Variants in NANP observed in about 807,000 individuals in gnomAD.
The protein encoded by NANP is N-acylneuraminate-9-phosphatase.
A neutral mutation model predicts 16.9 loss-of-function variants in NANP; 15 were observed. The observed-to-expected ratio is 0.89, with a 90% confidence interval of 0.59 to 1.37. The LOEUF is 1.37. Among genes scored for constraint, NANP ranks in the 40% most tolerant of loss-of-function variants. NANP has a pLI of 0.00. For missense variants in NANP, 290 were observed against 303.5 expected (o/e 0.96, Z 0.33); for synonymous variants, 135 against 112.6 (o/e 1.20, Z -1.26).
intron 1 of NANP, among the ~76,000 whole-genome samples, chr20:25,623,157 C>T (rs1019184256): frequency 1.3e-5 from 2 of 152,184 alleles, no homozygotes; most frequent in African/African-American, 4.8e-5. Context: ...AAAGGGAAGC[C>T]GGGGTGGACT....
intron 1 of NANP, among the ~76,000 whole-genome samples, chr20:25,621,209 G>C (rs1316750781): frequency 6.6e-6 from 1 of 152,140 alleles, no homozygotes; most frequent in East Asian, 1.9e-4. Flanking sequence ...TCACCTACTC[G>C]ATGAGGCCAA....
In NANP at chr20:25,615,827, C is replaced by T; in HGVS notation, c.*98G>A. The T allele has an allele frequency of 8.2e-7, 1 of 1,212,944 alleles. No homozygotes were observed. The highest frequency in any genetic ancestry group is 2.4e-5 in the Admixed American group (1 of 40,974). 75.1% of individuals were successfully genotyped at this position (1,212,944 alleles called of 1,614,324 possible). A position where few individuals can be genotyped will look rare whatever the true frequency, so the allele number is the denominator to read the frequency against. ...CCATTAAATCATAAGTAAAATTATT[C>T]TTAGAGCTGGATTATCATAAGTGGA... is the stretch of plus-strand genomic sequence containing the variant. On this transcript the variant is annotated 3_prime_UTR_variant, in exon 2 of 2. Transcript: ENST00000304788.
chr20:25,616,295 C>A lies in NANP; in HGVS notation c.377G>T (p.Arg126Leu). 6.2e-7 allele frequency: 1 copy of A among 1,614,102 alleles called. No individual in the cohort carries two copies. Among genetic ancestry groups the A allele is most frequent in the South Asian group, 1.1e-5 (1 of 91,086 alleles). ...GTCCCCATTCGTTAATAGAAGTAGG[C>A]GGACCTCCTTTCGAAGTTCAGTAAG... ...AMLTELRKEVRLLLLTNGDRQ... is the reference protein window; with the variant it reads ...AMLTELRKEVLLLLLTNGDRQ... The change falls in exon 2 of 2, where the codon CGC (arginine) becomes CTC (leucine). Residue 126 changes from arginine to leucine, a missense_variant. Physicochemically the swap from Arg to Leu is moderately radical, Grantham distance 102. Coordinates refer to ENST00000304788, the MANE Select transcript of NANP (RefSeq NM_152667.3).
Position 25,614,653 on chromosome 20 carries a change from T to C in NANP, c.*1272A>G, listed in dbSNP as rs2065335404. ...TAAGAAGAGTCACACGAGTATTAAA[T>C]TGGCCCTCAGGAAATGGCTCATAGC... is the stretch of plus-strand genomic sequence containing the variant. On this transcript the variant is annotated 3_prime_UTR_variant, in exon 2 of 2. Coordinates refer to ENST00000304788, the MANE Select transcript of NANP (RefSeq NM_152667.3). 1 of 152,320 alleles carries C rather than the reference T, an allele frequency of 6.6e-6. No individual in the cohort carries two copies. Among genetic ancestry groups the C allele is most frequent in the Admixed American group, 6.5e-5 (1 of 15,292 alleles). The allele number at this position is 152,320 out of a possible 1,614,324, so 9.4% of individuals were successfully genotyped here. A position where few individuals can be genotyped will look rare whatever the true frequency, so the allele number is the denominator to read the frequency against.
chr20:25,616,536 C>T lies in NANP; in HGVS notation c.136G>A (p.Glu46Lys), dbSNP rs1458650280. ...QSKYHYKEEA[E>K]IICDKVQVKL... is the part of the protein sequence containing the mutation. Reference sequence around the variant, plus strand: ...ACTTGAACTTTATCACAGATGATTTCAGCCTCTTCTTTATAATGGTATTTT... The same window carrying T: ...ACTTGAACTTTATCACAGATGATTTTAGCCTCTTCTTTATAATGGTATTTT... The change falls in exon 2 of 2, where the codon GAA becomes AAA. Residue 46 changes from glutamate (E) to lysine (K), a missense_variant. Glu to Lys is a moderately conservative substitution (Grantham distance 56). Coordinates refer to ENST00000304788, the MANE Select transcript of NANP (RefSeq NM_152667.3). 6.2e-7 allele frequency: 1 copy of T among 1,608,404 alleles called. No homozygotes were observed. Among genetic ancestry groups the T allele is most frequent in the Non-Finnish European group, 8.5e-7 (1 of 1,178,012 alleles).
At chr20:25,620,107 A>C (rs1336935152) in intron 1 of NANP, among the ~76,000 whole-genome samples, 4 of 152,226 alleles carry the variant, frequency 2.6e-5, no homozygotes, top group African/African-American at 2.4e-5. Flanking sequence ...GTTTATCAGC[A>C]TTCATTTATT....
chr20:25,613,148 A>C lies in NANP; in HGVS notation c.*2777T>G, dbSNP rs1440116312. The C allele has an allele frequency of 6.6e-6, 1 of 151,854 alleles. No individual in the cohort carries two copies. Among genetic ancestry groups the C allele is most frequent in the African/African-American group, 2.4e-5 (1 of 41,390 alleles). 9.4% of individuals were successfully genotyped at this position (151,854 alleles called of 1,614,324 possible). A position where few individuals can be genotyped will look rare whatever the true frequency, so the allele number is the denominator to read the frequency against. On this transcript the variant is annotated 3_prime_UTR_variant, in exon 2 of 2. Coordinates refer to ENST00000304788, the MANE Select transcript of NANP (RefSeq NM_152667.3). ...GTTATATTTATATTTATTTATATAC[A>C]TGTGTTATATTTATATTTATATATA...
chr20:25,615,515 A>C lies in NANP; in HGVS notation c.*410T>G, dbSNP rs181388348. 249 of 156,052 alleles carry C rather than the reference A, an allele frequency of 1.6e-3. No individual in the cohort carries two copies. Among genetic ancestry groups the C allele is most frequent in the African/African-American group, 5.5e-3 (231 of 41,696 alleles). 9.7% of individuals were successfully genotyped at this position (156,052 alleles called of 1,614,324 possible). A position where few individuals can be genotyped will look rare whatever the true frequency, so the allele number is the denominator to read the frequency against. On this transcript the variant is annotated 3_prime_UTR_variant, in exon 2 of 2. Coordinates refer to ENST00000304788, the MANE Select transcript of NANP (RefSeq NM_152667.3). Reference sequence around the variant, plus strand: ...CATAAATCTGTGTTTTAGAAAATCTATTTTTTAAAAATATCTATTTTTAAG... The same window carrying C: ...CATAAATCTGTGTTTTAGAAAATCTCTTTTTTAAAAATATCTATTTTTAAG...
chr20:25,620,817 GC>G (rs200448486), intron 1 of NANP, among the ~76,000 whole-genome samples: 4 of 151,208 alleles, frequency 2.6e-5, no homozygotes, highest in Admixed American at 2.6e-4. Flanking sequence ...GGGGATAGAG[GC>G]CCCCCTTTTT....
chr20:25,621,605 A>G (rs2065364457), intron 1 of NANP, among the ~76,000 whole-genome samples: 1 of 152,220 alleles, frequency 6.6e-6, no homozygotes, highest in Non-Finnish European at 1.5e-5. Flanking sequence ...CCCAGGCTGG[A>G]GTGCAGTGGC....
At position 25,615,907 on chromosome 20, in the gene NANP, C is replaced by A; in HGVS notation, c.*18G>T. 1 of 1,579,176 alleles carries A rather than the reference C, an allele frequency of 6.3e-7. No homozygotes were observed. Among genetic ancestry groups the A allele is most frequent in the South Asian group, 1.2e-5 (1 of 85,018 alleles). On this transcript the variant is annotated 3_prime_UTR_variant, in exon 2 of 2. Coordinates refer to ENST00000304788, the MANE Select transcript of NANP (RefSeq NM_152667.3). Reference sequence around the variant, plus strand: ...GCAAATTGATTCTAACATTCATAATCATGCCCTTTTATGTGCTTTAAGTGG... The same window carrying A: ...GCAAATTGATTCTAACATTCATAATAATGCCCTTTTATGTGCTTTAAGTGG...
At chr20:25,621,725 T>C (rs1340515956) in intron 1 of NANP, among the ~76,000 whole-genome samples, 5 of 152,228 alleles carry the variant, frequency 3.3e-5, no homozygotes, top group African/African-American at 1.2e-4. Context: ...CGGCTAATTT[T>C]TGTATTTTTA....
rs371977422 is a variant in NANP at position 25,613,666 on chromosome 20, G to A, written c.*2259C>T. On this transcript the variant is annotated 3_prime_UTR_variant, in exon 2 of 2. Transcript: ENST00000304788. ...GATAACCACAAAGTTCTTCCCTAAG[G>A]AAGGGTGCAAATGGAATGTAATACA... The A allele has an allele frequency of 5.4e-4, 215 of 397,168 alleles. No homozygotes were observed. Among genetic ancestry groups the A allele is most frequent in the African/African-American group, 3.7e-3 (180 of 48,674 alleles). The allele number at this position is 397,168 out of a possible 1,614,324, so 24.6% of individuals were successfully genotyped here.
chr20:25,617,902 G>T (rs2065350058), intron 1 of NANP, among the ~76,000 whole-genome samples: 1 of 152,094 alleles, frequency 6.6e-6, no homozygotes, highest in South Asian at 2.1e-4. Context: ...AATCCATTTG[G>T]CCTGTCTTGT....
At position 25,613,170 on chromosome 20, in the gene NANP, T is replaced by C. The variant is rs988556766; in HGVS notation, c.*2755A>G. ...TACATGTGTTATATTTATATTTATATATAGTTACAGTGTTATCTAACACTA... is the reference window on the plus strand; with the variant it reads ...TACATGTGTTATATTTATATTTATACATAGTTACAGTGTTATCTAACACTA... On this transcript the variant is annotated 3_prime_UTR_variant, in exon 2 of 2. Coordinates refer to ENST00000304788, the MANE Select transcript of NANP (RefSeq NM_152667.3). 4.6e-5 allele frequency: 7 copies of C among 152,022 alleles called. No homozygotes were observed. The highest frequency in any genetic ancestry group is 1.7e-4 in the African/African-American group (7 of 41,424). The allele number at this position is 152,022 out of a possible 1,614,324, so 9.4% of individuals were successfully genotyped here.
At chr20:25,619,627 A>C (rs2065357663) in intron 1 of NANP, among the ~76,000 whole-genome samples, 1 of 152,246 alleles carries the variant, frequency 6.6e-6, no homozygotes, top group Non-Finnish European at 1.5e-5. Context: ...ATCTCTATGA[A>C]CAAATAAAGC....
At chr20:25,621,616 G>A (rs1477356648) in intron 1 of NANP, among the ~76,000 whole-genome samples, 4 of 152,144 alleles carry the variant, frequency 2.6e-5, no homozygotes, top group Non-Finnish European at 5.9e-5. Flanking sequence ...GTGCAGTGGC[G>A]CGATCTCGGC....
rs1452406157 is a variant in NANP at position 25,613,206 on chromosome 20, A to G, written c.*2719T>C. Reference sequence around the variant, plus strand: ...TGTTATCTAACACTATAAATGTGTTAAAGAGGTTATGATAGAAAATGTTTC... The same window carrying G: ...TGTTATCTAACACTATAAATGTGTTGAAGAGGTTATGATAGAAAATGTTTC... On this transcript the variant is annotated 3_prime_UTR_variant, in exon 2 of 2. Coordinates refer to ENST00000304788, the MANE Select transcript of NANP (RefSeq NM_152667.3). 1.3e-5 allele frequency: 2 copies of G among 152,150 alleles called. No individual in the cohort carries two copies. Among genetic ancestry groups the G allele is most frequent in the Non-Finnish European group, 2.9e-5 (2 of 68,032 alleles). The allele number at this position is 152,150 out of a possible 1,614,324, so 9.4% of individuals were successfully genotyped here.
At position 25,616,480 on chromosome 20, in the gene NANP, G is replaced by T; in HGVS notation, c.192C>A (p.Tyr64Ter). 1 of 1,613,900 alleles carries T rather than the reference G, an allele frequency of 6.2e-7. No individual in the cohort carries two copies. The highest frequency in any genetic ancestry group is 8.5e-7 in the Non-Finnish European group (1 of 1,179,936). Reference protein sequence around the residue: ...VKLSKECFHPYNTCITDLRTS... With the variant: ...VKLSKECFHP ...TCCTTAAATCAGTAATGCATGTATTGTAAGGATGAAAACATTCCTTGCTGA... is the reference window on the plus strand; with the variant it reads ...TCCTTAAATCAGTAATGCATGTATTTTAAGGATGAAAACATTCCTTGCTGA... The change falls in exon 2 of 2, where the codon TAC (tyrosine) becomes TAA (stop). Residue 64 changes from tyrosine (Y) to a stop codon, truncating the protein, a stop_gained. Coordinates refer to ENST00000304788, the MANE Select transcript of NANP (RefSeq NM_152667.3). LOFTEE classifies it high-confidence loss of function.
Sources: allele counts gnomAD v4.1 joint callset (sites outside exome capture counted in the v4.1 genomes callset), GRCh38; gene constraint gnomAD v4.1.1; transcripts MANE v1.5; gene names NCBI Gene and HGNC (gene_info 2026-07-23, HGNC 2026-07-21).